Variants in NUDCD3 observed in about 807,000 individuals in gnomAD.
NUDCD3 encodes the protein NudC domain containing 3, also known as nudC domain-containing protein 3.
NUDCD3 carries 13 observed loss-of-function variants against 39.7 expected under a neutral mutation model. That is an observed-to-expected ratio of 0.33 (90% confidence interval 0.21 to 0.52). The LOEUF is 0.52. Among genes scored for constraint, NUDCD3 ranks in the 20% least tolerant of loss-of-function variants. NUDCD3 has a pLI of 0.96. For missense variants in NUDCD3, 453 were observed against 458.1 expected (o/e 0.99, Z 0.10); for synonymous variants, 175 against 172.4 (o/e 1.02, Z -0.12).
intron 2 of NUDCD3, among the ~76,000 whole-genome samples, chr7:44,456,259 T>C (rs1217678997): frequency 4.0e-5 from 6 of 150,844 alleles, no homozygotes; most frequent in African/African-American, 1.5e-4. Flanking sequence ...AAACTAGTGA[T>C]CAAATATCTG....
At chr7:44,414,979 A>G (rs1345780944) in intron 3 of NUDCD3, among the ~76,000 whole-genome samples, 1 of 152,234 alleles carries the variant, frequency 6.6e-6, no homozygotes, top group African/African-American at 2.4e-5. Flanking sequence ...TGACTGCACC[A>G]GCCTGCAGGA....
At chr7:44,480,435 T>G (rs567846163) in intron 2 of NUDCD3, among the ~76,000 whole-genome samples, 1 of 152,334 alleles carries the variant, frequency 6.6e-6, no homozygotes, top group Non-Finnish European at 1.5e-5. Flanking sequence ...TACATAATTT[T>G]TAAAGTTTTC....
At chr7:44,465,313 C>T (rs1000194344) in intron 2 of NUDCD3, among the ~76,000 whole-genome samples, 3 of 152,204 alleles carry the variant, frequency 2.0e-5, no homozygotes, top group African/African-American at 7.2e-5. Context: ...AGCCACAGCA[C>T]AGTTCACACA....
At chr7:44,392,201 T>C in intron 5 of NUDCD3, 96 bp downstream of exon 5, 1 of 1,243,190 alleles carries the variant, frequency 8.0e-7, no homozygotes, top group East Asian at 2.4e-5. Flanking sequence ...CACAACCTTC[T>C]TCCCCACCGT....
chr7:44,393,055 T>C (rs1381553628), intron 4 of NUDCD3, among the ~76,000 whole-genome samples: 1 of 152,162 alleles, frequency 6.6e-6, no homozygotes, highest in Non-Finnish European at 1.5e-5. Flanking sequence ...CAGAATCTCC[T>C]GGGGAGTCCT....
At chr7:44,425,704 A>T (rs538887611) in intron 3 of NUDCD3, among the ~76,000 whole-genome samples, 1 of 152,048 alleles carries the variant, frequency 6.6e-6, no homozygotes, top group East Asian at 1.9e-4. Flanking sequence ...TCTACAAAAA[A>T]TTTTTTTTAA....
At chr7:44,438,446 A>G (rs1799506912) in intron 2 of NUDCD3, among the ~76,000 whole-genome samples, 2 of 152,132 alleles carry the variant, frequency 1.3e-5, no homozygotes, top group South Asian at 4.1e-4. Flanking sequence ...AGTAGAGAAA[A>G]CTTGGAAGCT....
intron 3 of NUDCD3, among the ~76,000 whole-genome samples, chr7:44,411,264 CAAA>C (rs896341740): frequency 7.7e-6 from 1 of 130,646 alleles, no homozygotes; most frequent in African/African-American, 2.8e-5. Context: ...GCAGCCAAAG[CAAA>C]AAAAAAAAAT....
intron 1 of NUDCD3, among the ~76,000 whole-genome samples, chr7:44,486,511 A>T (rs117293543): frequency 0.012 from 1,826 of 152,054 alleles, 14 homozygotes; most frequent in Non-Finnish European, 0.019. Context: ...ATGATGATGT[A>T]GGCAGAGGGG....
chr7:44,465,793 G>A (rs963281842), intron 2 of NUDCD3, among the ~76,000 whole-genome samples: 10 of 151,998 alleles, frequency 6.6e-5, no homozygotes, highest in African/African-American at 1.9e-4. Context: ...ACACCCCACC[G>A]TACTTCTCAA....
chr7:44,483,993 A>G (rs914521817), intron 2 of NUDCD3, among the ~76,000 whole-genome samples: 10 of 152,194 alleles, frequency 6.6e-5, no homozygotes, highest in Non-Finnish European at 7.3e-5. Flanking sequence ...TGGCCAACAG[A>G]GTAAGATCCG....
chr7:44,457,909 G>A (rs1799935383), intron 2 of NUDCD3, among the ~76,000 whole-genome samples: 1 of 152,132 alleles, frequency 6.6e-6, no homozygotes, highest in Admixed American at 6.5e-5. Context: ...AACTGCTTTG[G>A]AAAACAGCCT....
At chr7:44,474,236 A>G (rs1446581376) in intron 2 of NUDCD3, among the ~76,000 whole-genome samples, 1 of 152,128 alleles carries the variant, frequency 6.6e-6, no homozygotes, top group East Asian at 1.9e-4. Flanking sequence ...TTATAGAAAA[A>G]TATTCAAATA....
chr7:44,425,464 C>T (rs1217291173), intron 3 of NUDCD3, among the ~76,000 whole-genome samples: 3 of 152,096 alleles, frequency 2.0e-5, no homozygotes, highest in South Asian at 4.1e-4. Flanking sequence ...TCCCATTTTG[C>T]ATTGTTACTT....
At chr7:44,465,896 A>T (rs920294040) in intron 2 of NUDCD3, among the ~76,000 whole-genome samples, 1 of 152,252 alleles carries the variant, frequency 6.6e-6, no homozygotes, top group Non-Finnish European at 1.5e-5. Flanking sequence ...GTTCCAGGGT[A>T]AAAGGGGTGC....
intron 2 of NUDCD3, among the ~76,000 whole-genome samples, chr7:44,463,565 AAC>A (rs1338217004): frequency 1.3e-5 from 2 of 152,340 alleles, no homozygotes; most frequent in African/African-American, 4.8e-5. Context: ...GATGCTGCAG[AAC>A]ACAGAGTTAG....
At chr7:44,487,722 C>T (rs766665915) in intron 1 of NUDCD3, among the ~76,000 whole-genome samples, 2 of 151,970 alleles carry the variant, frequency 1.3e-5, no homozygotes, top group African/African-American at 2.4e-5. Flanking sequence ...GAGGCTGAGG[C>T]GGGTGATCAC....
chr7:44,404,704 T>C, intron 3 of NUDCD3, 121 bp from the exon 4 acceptor site: 1 of 959,740 alleles, frequency 1.0e-6, no homozygotes, highest in Non-Finnish European at 1.5e-6. Flanking sequence ...GTCATCAGGC[T>C]CACCAGGCAT....
chr7:44,478,524 G>C (rs541623268), intron 2 of NUDCD3, among the ~76,000 whole-genome samples: 13 of 152,302 alleles, frequency 8.5e-5, no homozygotes, highest in African/African-American at 2.9e-4. Flanking sequence ...TTGCACTCCA[G>C]CCTGGGCAAC....
Sources: allele counts gnomAD v4.1 joint callset (sites outside exome capture counted in the v4.1 genomes callset), GRCh38; gene constraint gnomAD v4.1.1; transcripts MANE v1.5; gene names NCBI Gene and HGNC (gene_info 2026-07-23, HGNC 2026-07-21).